Variants in VTI1B observed in about 807,000 individuals in gnomAD.
The protein encoded by VTI1B is vesicle transport through interaction with t-SNAREs 1B, also known as vesicle transport through interaction with t-SNAREs homolog 1B.
A neutral mutation model predicts 28.6 loss-of-function variants in VTI1B; 18 were observed. That is an observed-to-expected ratio of 0.63 (90% CI 0.43 to 0.93). The LOEUF (loss-of-function observed/expected upper bound fraction) is 0.93. Ranked by LOEUF, VTI1B falls within the 40% of genes least tolerant of loss-of-function variation. The pLI is 0.00. For missense variants in VTI1B, 283 were observed against 297.0 expected (o/e 0.95, Z 0.35); for synonymous variants, 100 against 107.9 (o/e 0.93, Z 0.46).
At chr14:67,659,673 T>C in intron 3 of VTI1B, 58 bp downstream of exon 3, 1 of 1,508,472 alleles carries the variant, frequency 6.6e-7, no homozygotes, top group South Asian at 1.3e-5. Flanking sequence ...ATATAGTTAA[T>C]TTTTGTACCA....
intron 4 of VTI1B, 138 bp downstream of exon 4, chr14:67,656,278 G>T: frequency 5.3e-5 from 40 of 753,892 alleles, no homozygotes; most frequent in Non-Finnish European, 7.2e-5. Context: ...AATAAAAATT[G>T]AGAAAAGCAT....
intron 1 of VTI1B, among the ~76,000 whole-genome samples, chr14:67,669,860 G>A (rs1259486662): frequency 6.6e-6 from 1 of 152,180 alleles, no homozygotes; most frequent in African/African-American, 2.4e-5. Context: ...AGCACTTTAA[G>A]AGGCTGAGGT....
chr14:67,656,557 C>T lies in VTI1B; in HGVS notation c.399G>A (p.Leu133=). The T allele has an allele frequency of 1.2e-6, 2 of 1,613,194 alleles. No individual in the cohort carries two copies. Among genetic ancestry groups the T allele is most frequent in the Non-Finnish European group, 1.7e-6 (2 of 1,179,554 alleles). The change falls in exon 4 of 6, where the codon CTG becomes CTA. Residue 133 remains leucine (L), a synonymous_variant. Transcript: ENST00000554659. Reference sequence around the variant, plus strand: ...CCCGGTTCAGGCTTTCAGTGCCCTGCAGAAGCATTGCCCTTTGAGACTGTA... The same window carrying T: ...CCCGGTTCAGGCTTTCAGTGCCCTGTAGAAGCATTGCCCTTTGAGACTGTA... The part of the protein sequence containing the change: ...NRLQSQRAML[L]QGTESLNRAT...
chr14:67,650,492 T>C lies in VTI1B; in HGVS notation c.*893A>G, dbSNP rs2037158397. 3.5e-6 allele frequency: 2 copies of C among 563,692 alleles called. No individual in the cohort carries two copies. The highest frequency in any genetic ancestry group is 6.2e-5 in the Admixed American group (2 of 32,306). 34.9% of individuals were successfully genotyped at this position (563,692 alleles called of 1,614,324 possible). The stretch of plus-strand genomic sequence containing the variant: ...GTTGAACAGGGATGGTTTATTTCAT[T>C]ATCTTAAAAGGTTTCTTTTAATCTA... On this transcript the variant is annotated 3_prime_UTR_variant, in exon 6 of 6. Transcript: ENST00000554659.
At chr14:67,669,031 T>C (rs938181253) in intron 1 of VTI1B, among the ~76,000 whole-genome samples, 1 of 152,208 alleles carries the variant, frequency 6.6e-6, no homozygotes, top group Admixed American at 6.5e-5. Context: ...AGTAGCTCTA[T>C]TATCAGGCAG....
intron 1 of VTI1B, among the ~76,000 whole-genome samples, chr14:67,667,839 G>T (rs2037420270): frequency 6.6e-6 from 1 of 152,124 alleles, no homozygotes; most frequent in South Asian, 2.1e-4. Flanking sequence ...AGCTACTCGG[G>T]AGGCTGAGGC....
chr14:67,672,445 TTC>T (rs1211084137), intron 1 of VTI1B, among the ~76,000 whole-genome samples: 7 of 99,414 alleles, frequency 7.0e-5, no homozygotes, highest in Non-Finnish European at 1.1e-4. Flanking sequence ...TTCTTTTCTT[TTC>T]TTTTTTTTTT....
chr14:67,669,025 G>A (rs978029709), intron 1 of VTI1B, among the ~76,000 whole-genome samples: 1 of 152,098 alleles, frequency 6.6e-6, no homozygotes, highest in African/African-American at 2.4e-5. Context: ...ATGGCTAGTA[G>A]CTCTATTATC....
intron 1 of VTI1B, among the ~76,000 whole-genome samples, chr14:67,663,653 G>A (rs985559207): frequency 6.6e-6 from 1 of 152,122 alleles, no homozygotes; most frequent in African/African-American, 2.4e-5. Flanking sequence ...CAGCCTGGGC[G>A]ACAGAGGGAG....
At chr14:67,657,659 G>C (rs1403021781) in intron 3 of VTI1B, among the ~76,000 whole-genome samples, 12 of 151,748 alleles carry the variant, frequency 7.9e-5, no homozygotes, top group African/African-American at 9.7e-5. Context: ...CAGAGGCCTA[G>C]TACAGAGCAA....
intron 1 of VTI1B, among the ~76,000 whole-genome samples, chr14:67,671,771 C>T (rs1352733791): frequency 2.6e-5 from 4 of 152,142 alleles, no homozygotes; most frequent in Non-Finnish European, 4.4e-5. Flanking sequence ...CTTCTTGCTA[C>T]CCATGGGTCA....
At position 67,650,326 on chromosome 14, in the gene VTI1B, T is replaced by C. The variant is rs1362819219; in HGVS notation, c.*1059A>G. The C allele has an allele frequency of 4.0e-6, 1 of 248,822 alleles. No homozygotes were observed. The highest frequency in any genetic ancestry group is 2.3e-5 in the African/African-American group (1 of 44,292). The allele number at this position is 248,822 out of a possible 1,614,324, so 15.4% of individuals were successfully genotyped here. A position where few individuals can be genotyped will look rare whatever the true frequency, so the allele number is the denominator to read the frequency against. The stretch of plus-strand genomic sequence containing the variant: ...TTCCTCTGCCTTCATACTTGATTCA[T>C]TTCCAGGCAGGCATCTGGAAGGTTC... On this transcript the variant is annotated 3_prime_UTR_variant, in exon 6 of 6. Coordinates refer to ENST00000554659, the MANE Select transcript of VTI1B (RefSeq NM_006370.3).
rs1028411940 is a variant in VTI1B at position 67,650,009 on chromosome 14, T to C, written c.*1376A>G. Reference sequence around the variant, plus strand: ...GGCCAAAGGAACACTACCGAGAACTTTGACACAAGTTCTCAAACCTTAACA... The same window carrying C: ...GGCCAAAGGAACACTACCGAGAACTCTGACACAAGTTCTCAAACCTTAACA... On this transcript the variant is annotated 3_prime_UTR_variant, in exon 6 of 6. Coordinates refer to ENST00000554659, the MANE Select transcript of VTI1B (RefSeq NM_006370.3). 2.0e-5 allele frequency: 3 copies of C among 152,298 alleles called. No homozygotes were observed. Among genetic ancestry groups the C allele is most frequent in the Non-Finnish European group, 2.9e-5 (2 of 68,148 alleles). The allele number at this position is 152,298 out of a possible 1,614,324, so 9.4% of individuals were successfully genotyped here. A position where few individuals can be genotyped will look rare whatever the true frequency, so the allele number is the denominator to read the frequency against.
At chr14:67,672,180 G>A (rs1309509708) in intron 1 of VTI1B, among the ~76,000 whole-genome samples, 1 of 150,296 alleles carries the variant, frequency 6.7e-6, no homozygotes, top group Non-Finnish European at 1.5e-5. Flanking sequence ...GTGCAGTGGT[G>A]CGATCTTGGC....
In VTI1B at chr14:67,657,606, ACACACACACACACACACC is replaced by A. The variant is rs1200235093; in HGVS notation, c.367-1035_367-1018del. Among the ~76,000 whole-genome samples the A allele has an allele frequency of 4.6e-5, 7 of 150,622 alleles. No homozygotes were observed. In the East Asian group the frequency reaches 1.2e-3, roughly 25 times the overall value. ...AAAGCACGCGCGCGCGTGCACACAC[ACACACACACACACACACC>A]CAAAATCAAAAGGGACCCAGCTCAC... On this transcript the variant is annotated intron_variant, in intron 3 of 5. Transcript: ENST00000554659.
At chr14:67,666,912 T>C (rs1280100221) in intron 1 of VTI1B, among the ~76,000 whole-genome samples, 1 of 152,126 alleles carries the variant, frequency 6.6e-6, no homozygotes, top group Non-Finnish European at 1.5e-5. Context: ...TAAAATCTGT[T>C]GAAAAAACAA....
chr14:67,649,152 G>C lies in VTI1B; in HGVS notation c.*2233C>G, dbSNP rs572375568. Reference sequence around the variant, plus strand: ...CTTCCTAAAAACACCACTTAGAGCAGGGGTTAATAACCTCTAGCACTTATA... The same window carrying C: ...CTTCCTAAAAACACCACTTAGAGCACGGGTTAATAACCTCTAGCACTTATA... On this transcript the variant is annotated 3_prime_UTR_variant, in exon 6 of 6. Transcript: ENST00000554659. 8 of 152,308 alleles carry C rather than the reference G, an allele frequency of 5.3e-5. No individual in the cohort carries two copies. The East Asian group carries it at 1.4e-3, about 26-fold the overall frequency. 9.4% of individuals were successfully genotyped at this position (152,308 alleles called of 1,614,324 possible).
intron 4 of VTI1B, 129 bp downstream of exon 4, chr14:67,656,287 A>G (rs1395097190): frequency 2.1e-5 from 19 of 901,252 alleles, no homozygotes; most frequent in African/African-American, 5.1e-5. Flanking sequence ...TGAGAAAAGC[A>G]TAAGAACTTA....
chr14:67,665,653 T>C (rs575558975), intron 1 of VTI1B, among the ~76,000 whole-genome samples: 39 of 152,274 alleles, frequency 2.6e-4, no homozygotes, highest in South Asian at 1.9e-3. Flanking sequence ...CTCTGAAACA[T>C]GGAAATTTAT....
Sources: gnomAD v4.1 joint callset for allele counts (sites outside exome capture counted in the v4.1 genomes callset) on GRCh38, gnomAD v4.1.1 for gene constraint, MANE v1.5 for transcripts, NCBI Gene and HGNC (gene_info 2026-07-23, HGNC 2026-07-21) for gene names.